SGCZ: variants seen among roughly 807,000 people sequenced by gnomAD.
SGCZ encodes the protein sarcoglycan zeta, also known as zeta-sarcoglycan.
In SGCZ, 40 loss-of-function variants were observed where a neutral mutation model predicts 41.3. That is an observed-to-expected ratio of 0.97 (90% CI 0.75 to 1.26). The LOEUF is 1.26. SGCZ is among the 50% of genes most tolerant of loss of function. SGCZ has a pLI of 0.00. For missense variants in SGCZ, 552 were observed against 369.8 expected, an observed-to-expected ratio of 1.49 and a Z score of -4.04; for synonymous variants, 206 against 137.5, an observed-to-expected ratio of 1.50 and a Z score of -3.49.
At chr8:15,171,979 T>G (rs946365764) in intron 1 of SGCZ, among the ~76,000 whole-genome samples, 13 of 152,084 alleles carry the variant, frequency 8.5e-5, no homozygotes, top group Non-Finnish European at 1.6e-4. Context: ...GAGCCCTTGA[T>G]CCCTTCAACA....
chr8:15,233,739 G>A (rs1371399634), intron 1 of SGCZ, among the ~76,000 whole-genome samples: 2 of 152,050 alleles, frequency 1.3e-5, no homozygotes, highest in Middle Eastern at 3.4e-3. Context: ...TTTTTGTAAC[G>A]TGCAAAATAA....
chr8:14,367,742 C>G (rs1012211190), intron 2 of SGCZ, among the ~76,000 whole-genome samples: 1 of 152,092 alleles, frequency 6.6e-6, no homozygotes, highest in Non-Finnish European at 1.5e-5. Context: ...CCCCCATAAA[C>G]CAGTCAGTTA....
Position 14,734,952 on chromosome 8 carries a change from G to T in SGCZ, c.40-180026C>A, listed in dbSNP as rs76057580. Among the ~76,000 whole-genome samples the T allele has an allele frequency of 6.6e-3, 1,008 of 152,206 alleles. 10 individuals carry two copies. Among genetic ancestry groups the T allele is most frequent in the African/African-American group, 0.023 (964 of 41,528 alleles). Reference sequence around the variant, plus strand: ...GGGTATTCTGATTCATCAAATGTTTGATTAATAATTGCTTGTTATCTATGT... The same window carrying T: ...GGGTATTCTGATTCATCAAATGTTTTATTAATAATTGCTTGTTATCTATGT... On this transcript the variant is annotated intron_variant, in intron 1 of 7. Coordinates refer to ENST00000382080, the MANE Select transcript of SGCZ (RefSeq NM_139167.4).
intron 1 of SGCZ, among the ~76,000 whole-genome samples, chr8:14,858,561 T>C (rs561299980): frequency 1.3e-5 from 2 of 152,270 alleles, no homozygotes; most frequent in Middle Eastern, 3.4e-3. Context: ...TTGAATATTC[T>C]TCTTTGATAT....
At chr8:15,184,587 C>G (rs532276546) in intron 1 of SGCZ, among the ~76,000 whole-genome samples, 16 of 152,054 alleles carry the variant, frequency 1.1e-4, no homozygotes, top group African/African-American at 3.9e-4. Context: ...CTCTTGCACT[C>G]TGGCCTCACT....
intron 1 of SGCZ, among the ~76,000 whole-genome samples, chr8:15,176,250 A>C (rs1230296045): frequency 6.6e-6 from 1 of 152,110 alleles, no homozygotes; most frequent in Non-Finnish European, 1.5e-5. Context: ...CTGTCTAGGG[A>C]AGTGTTAACG....
intron 5 of SGCZ, among the ~76,000 whole-genome samples, chr8:14,159,243 T>A (rs943588339): frequency 6.6e-6 from 1 of 152,190 alleles, no homozygotes; most frequent in African/African-American, 2.4e-5. Flanking sequence ...ATATAACCAC[T>A]TTTTTGGTGG....
chr8:14,934,302 A>G (rs1194976456), intron 1 of SGCZ, among the ~76,000 whole-genome samples: 1 of 152,036 alleles, frequency 6.6e-6, no homozygotes, highest in Non-Finnish European at 1.5e-5. Flanking sequence ...ACTACTGTAT[A>G]TAAAATATAT....
chr8:14,212,293 G>T (rs897912971), intron 4 of SGCZ, among the ~76,000 whole-genome samples: 1 of 151,886 alleles, frequency 6.6e-6, no homozygotes, highest in Non-Finnish European at 1.5e-5. Flanking sequence ...ACCTACCAGG[G>T]GAGCAACTCT....
At chr8:14,302,874 A>G (rs192502523) in intron 3 of SGCZ, among the ~76,000 whole-genome samples, 3 of 152,316 alleles carry the variant, frequency 2.0e-5, no homozygotes, top group African/African-American at 4.8e-5. Flanking sequence ...AGGGCTCTCT[A>G]TTTCTCAGGA....
chr8:14,803,482 A>G (rs1181490160), intron 1 of SGCZ, among the ~76,000 whole-genome samples: 1 of 152,086 alleles, frequency 6.6e-6, no homozygotes, highest in African/African-American at 2.4e-5. Context: ...GCACCTGGAA[A>G]ATCGGGTCAC....
chr8:14,500,201 A>G (rs1187650985), intron 2 of SGCZ, among the ~76,000 whole-genome samples: 2 of 152,078 alleles, frequency 1.3e-5, no homozygotes, highest in Non-Finnish European at 1.5e-5. Flanking sequence ...TTAAAATATA[A>G]TATATTTTGA....
intron 4 of SGCZ, among the ~76,000 whole-genome samples, chr8:14,188,825 T>G (rs899607076): frequency 1.8e-3 from 20 of 11,282 alleles, no homozygotes; most frequent in South Asian, 0.014. Flanking sequence ...TGTTTCTTTG[T>G]TTTTTTTTGT....
chr8:15,005,419 C>T (rs1473466635), intron 1 of SGCZ, among the ~76,000 whole-genome samples: 1 of 149,002 alleles, frequency 6.7e-6, no homozygotes, highest in Non-Finnish European at 1.5e-5. Context: ...ACAACCTCTG[C>T]CTCCTGGGTT....
intron 5 of SGCZ, among the ~76,000 whole-genome samples, chr8:14,124,667 A>C (rs949137463): frequency 2.0e-5 from 3 of 152,200 alleles, no homozygotes; most frequent in African/African-American, 4.8e-5. Flanking sequence ...CATCAAGATA[A>C]AGAGTTTCTC....
chr8:14,429,531 C>A (rs563990433), intron 2 of SGCZ, among the ~76,000 whole-genome samples: 43 of 152,268 alleles, frequency 2.8e-4, no homozygotes, highest in African/African-American at 1.0e-3. Flanking sequence ...GTCAGTTAGT[C>A]AGTTGAAGAG....
At chr8:14,973,148 G>A (rs1801355134) in intron 1 of SGCZ, among the ~76,000 whole-genome samples, 1 of 152,118 alleles carries the variant, frequency 6.6e-6, no homozygotes, top group East Asian at 1.9e-4. Context: ...TTTATTCTCT[G>A]ACCCTTCAGG....
rs1366874304 is a variant in SGCZ at position 14,087,776 on chromosome 8, T to G, written c.*2667A>C. Among the ~76,000 whole-genome samples the G allele has an allele frequency of 1.3e-5, 2 of 151,730 alleles. No homozygotes were observed. The highest frequency in any genetic ancestry group is 1.3e-4 in the Admixed American group (2 of 15,162). On this transcript the variant is annotated 3_prime_UTR_variant, in exon 8 of 8. Transcript: ENST00000382080. The stretch of plus-strand genomic sequence containing the variant: ...AAAACGAGGACATTTGGGGCCATTC[T>G]TCTAAGCCTTCACAATAGGCTTGAT...
chr8:14,244,976 G>A (rs1799034541), intron 3 of SGCZ, among the ~76,000 whole-genome samples: 1 of 152,086 alleles, frequency 6.6e-6, no homozygotes. Flanking sequence ...TTGCTTATCA[G>A]CTTAAGGAGA....
Sources: allele counts gnomAD v4.1 joint callset (sites outside exome capture counted in the v4.1 genomes callset), GRCh38; gene constraint gnomAD v4.1.1; transcripts MANE v1.5; gene names NCBI Gene and HGNC (gene_info 2026-07-23, HGNC 2026-07-21).